Variants in LRRK1 observed in about 807,000 individuals in gnomAD.
LRRK1 encodes the protein leucine-rich repeat serine/threonine-protein kinase 1.
Under a neutral mutation model 209.1 loss-of-function variants are expected in LRRK1, and 113 were observed. The observed-to-expected ratio is 0.54, with a 90% CI of 0.46 to 0.63. The LOEUF (loss-of-function observed/expected upper bound fraction) is 0.63. LRRK1 is among the 30% of genes least tolerant of loss of function. The probability of loss-of-function intolerance (pLI) is 0.00; values close to 1 mark genes in which losing one functional copy is unlikely to be tolerated. For missense variants in LRRK1, 2,284 were observed against 2,632.2 expected (o/e 0.87, Z 2.89); for synonymous variants, 1,144 against 1,099.7 (o/e 1.04, Z -0.80).
intron 2 of LRRK1, among the ~76,000 whole-genome samples, chr15:100,950,554 G>A (rs2042624556): frequency 6.6e-6 from 1 of 152,074 alleles, no homozygotes; most frequent in Non-Finnish European, 1.5e-5. Flanking sequence ...AAGAAAACAG[G>A]ATTAAATCTT....
chr15:101,053,380 G>T lies in LRRK1; in HGVS notation c.4014G>T (p.Pro1338=), dbSNP rs200546224. The change falls in exon 26 of 34, where the codon CCG becomes CCT. Residue 1338 remains proline (P), a synonymous_variant. Transcript: ENST00000388948. The part of the protein sequence containing the change: ...HPLCFALELA[P]LSSLNTVLSE... Reference sequence around the variant, plus strand: ...TCTGCTTCGCCCTGGAGCTCGCGCCGCTCAGCAGCCTCAACACCGTGCTGT... The same window carrying T: ...TCTGCTTCGCCCTGGAGCTCGCGCCTCTCAGCAGCCTCAACACCGTGCTGT... The T allele has an allele frequency of 1.9e-6, 3 of 1,599,886 alleles. No individual in the cohort carries two copies. The highest frequency in any genetic ancestry group is 1.1e-5 in the South Asian group (1 of 90,948).
intron 30 of LRRK1, among the ~76,000 whole-genome samples, chr15:101,062,206 G>C (rs2141156137): frequency 6.6e-6 from 1 of 152,356 alleles, no homozygotes; most frequent in South Asian, 2.1e-4. Context: ...CCTAAAGCAT[G>C]CTGTCTCACA....
chr15:100,961,806 T>C (rs1050202383), intron 2 of LRRK1, among the ~76,000 whole-genome samples: 3 of 152,074 alleles, frequency 2.0e-5, no homozygotes, highest in African/African-American at 7.2e-5. Flanking sequence ...GGTCACCTTG[T>C]GGTGAGTGAT....
chr15:100,974,226 G>A, intron 3 of LRRK1: 1 of 363,246 alleles, frequency 2.8e-6, no homozygotes, highest in Non-Finnish European at 4.9e-6. Context: ...TAAATGTAAA[G>A]AACAAAATGC....
chr15:101,038,527 T>C (rs1414299430), intron 20 of LRRK1, among the ~76,000 whole-genome samples: 1 of 152,132 alleles, frequency 6.6e-6, no homozygotes, highest in South Asian at 2.1e-4. Flanking sequence ...CTCCTGTGCC[T>C]TGGATTTCAG....
At position 101,049,458 on chromosome 15, in the gene LRRK1, T is replaced by C. The variant is rs185867072; in HGVS notation, c.3300-186T>C. The C allele has an allele frequency of 3.8e-5, 22 of 574,740 alleles. 1 individual carries two copies. In the Admixed American group the frequency reaches 7.8e-4, roughly 20 times the overall value. 35.6% of individuals were successfully genotyped at this position (574,740 alleles called of 1,614,324 possible). A position where few individuals can be genotyped will look rare whatever the true frequency, so the allele number is the denominator to read the frequency against. ...CTCGTGCCTCCTTCACCAGGCCAGG[T>C]CCGGGGCAAGAACAAGGCAGGGCCA... On this transcript the variant is annotated intron_variant, in intron 22 of 33. Coordinates refer to ENST00000388948, the MANE Select transcript of LRRK1 (RefSeq NM_024652.6).
intron 2 of LRRK1, among the ~76,000 whole-genome samples, chr15:100,973,485 G>A (rs1308925879): frequency 6.6e-6 from 1 of 151,940 alleles, no homozygotes; most frequent in Admixed American, 6.5e-5. Flanking sequence ...CTGCGCCTCC[G>A]CTGCTGTCGG....
chr15:101,053,212 G>C lies in LRRK1; in HGVS notation c.3857-11G>C. On this transcript the variant is annotated splice_polypyrimidine_tract_variant and intron_variant, in intron 25 of 33. Transcript: ENST00000388948. ...ATGTCCTACTGGCTGACACTGCGCT[G>C]TCCCTGGCAGACACCATGCTGAGGC... The C allele has an allele frequency of 6.2e-7, 1 of 1,604,144 alleles. No homozygotes were observed. The highest frequency in any genetic ancestry group is 8.5e-7 in the Non-Finnish European group (1 of 1,179,558).
rs374706702 is a variant in LRRK1, at chr15:101,057,972, G to T, written c.4528-18G>T. Reference sequence around the variant, plus strand: ...TTGTAAGTGACCTTGCTCTCTTCTGGTGGCTTCTCTCCCTCAGCGACCGCT... The same window carrying T: ...TTGTAAGTGACCTTGCTCTCTTCTGTTGGCTTCTCTCCCTCAGCGACCGCT... On this transcript the variant is annotated intron_variant, in intron 28 of 33. Transcript: ENST00000388948. 3.1e-4 allele frequency: 500 copies of T among 1,613,798 alleles called. No homozygotes were observed. The highest frequency in any genetic ancestry group is 4.0e-4 in the Non-Finnish European group (473 of 1,179,920).
At chr15:101,051,012 C>T (rs1262811791) in intron 23 of LRRK1, among the ~76,000 whole-genome samples, 4 of 152,198 alleles carry the variant, frequency 2.6e-5, no homozygotes, top group African/African-American at 9.7e-5. Context: ...CTGGTGAGCA[C>T]CTGAGACAGA....
At chr15:101,063,378 T>C (rs2036308149) in intron 31 of LRRK1, among the ~76,000 whole-genome samples, 1 of 152,112 alleles carries the variant, frequency 6.6e-6, no homozygotes, top group African/African-American at 2.4e-5. Context: ...CCCAGCCTCC[T>C]CCAGGAACAG....
At chr15:100,969,235 T>C (rs2030699235) in intron 2 of LRRK1, among the ~76,000 whole-genome samples, 1 of 152,228 alleles carries the variant, frequency 6.6e-6, no homozygotes, top group Non-Finnish European at 1.5e-5. Context: ...GTTTTGAAAA[T>C]ACGTTATTGT....
At chr15:100,996,755 G>A (rs949446396) in intron 6 of LRRK1, among the ~76,000 whole-genome samples, 6 of 152,306 alleles carry the variant, frequency 3.9e-5, no homozygotes, top group East Asian at 3.9e-4. Flanking sequence ...TGTTCATGTC[G>A]TCCTGCTGGA....
At position 101,066,134 on chromosome 15, in the gene LRRK1, CG is replaced by C; in HGVS notation, c.5701del (p.Glu1901ArgfsTer10). 3 of 1,614,028 alleles carry C rather than the reference CG, an allele frequency of 1.9e-6. No homozygotes were observed. The highest frequency in any genetic ancestry group is 2.5e-6 in the Non-Finnish European group (3 of 1,180,010). Reference protein sequence around the residue: ...RSEHDLTPMDGETFSQHLQAV... With the variant: ...RSEHDLTPMDXETFSQHLQAV... ...CTGAGCATGACCTGACCCCCATGGACGGGGAGACCTTCAGCCAGCACCTGCA... is the reference window on the plus strand; with the variant it reads ...CTGAGCATGACCTGACCCCCATGGACGGGAGACCTTCAGCCAGCACCTGCA... On this transcript the variant is annotated frameshift_variant, in exon 32 of 34. Transcript: ENST00000388948. LOFTEE classifies it high-confidence loss of function.
chr15:101,031,890 G>A (rs1047923067), intron 20 of LRRK1, among the ~76,000 whole-genome samples: 12 of 152,014 alleles, frequency 7.9e-5, no homozygotes, highest in African/African-American at 1.2e-4. Context: ...GCCCACCACC[G>A]CGCCTGGCTA....
At chr15:100,946,341 C>T (rs79589087) in intron 2 of LRRK1, among the ~76,000 whole-genome samples, 8,535 of 151,786 alleles carry the variant, frequency 0.056, 324 homozygotes, top group Middle Eastern at 0.15. Context: ...TTAGTTGCAG[C>T]GTATGCTAAA....
chr15:101,047,710 C>T (rs926651303), intron 21 of LRRK1, among the ~76,000 whole-genome samples: 11 of 152,204 alleles, frequency 7.2e-5, no homozygotes, highest in African/African-American at 2.7e-4. Flanking sequence ...GGAGCGGCCC[C>T]GCGCACACTG....
At chr15:101,026,185 C>A in intron 17 of LRRK1, 48 bp downstream of exon 17, 1 of 1,565,988 alleles carries the variant, frequency 6.4e-7, no homozygotes, top group South Asian at 1.1e-5. Context: ...GGGTGCCAGT[C>A]GCTGATCTTT....
intron 2 of LRRK1, among the ~76,000 whole-genome samples, chr15:100,940,246 A>G (rs902146182): frequency 2.6e-5 from 4 of 152,240 alleles, no homozygotes; most frequent in East Asian, 1.9e-4. Context: ...CAGTCTTTCC[A>G]TAAGATTGTT....
Sources: gnomAD v4.1 joint callset for allele counts (sites outside exome capture counted in the v4.1 genomes callset) on GRCh38, gnomAD v4.1.1 for gene constraint, MANE v1.5 for transcripts, NCBI Gene and HGNC (gene_info 2026-07-23, HGNC 2026-07-21) for gene names.